The following RORA variants were observed in gnomAD, a reference collection of about 807,000 sequenced individuals.
RORA encodes the protein nuclear receptor ROR-alpha.
Under a neutral mutation model 69.5 loss-of-function variants are expected in RORA, and 7 were observed. The ratio of observed to expected loss-of-function variants is 0.10; its 90% confidence interval spans 0.06 to 0.19. The LOEUF (loss-of-function observed/expected upper bound fraction) is 0.19, where lower values mean the gene tolerates loss of function less well. Among genes scored for constraint, RORA ranks in the 10% least tolerant of loss-of-function variants. The pLI is 1.00. For synonymous variants in RORA, 261 were observed against 240.8 expected (o/e 1.08, Z -0.78); for missense variants, 457 against 663.0 (o/e 0.69, Z 3.41).
At chr15:60,780,340 G>A (rs1328109494) in intron 1 of RORA, among the ~76,000 whole-genome samples, 1 of 152,164 alleles carries the variant, frequency 6.6e-6, no homozygotes, top group Non-Finnish European at 1.5e-5. Context: ...CTGGTGATGT[G>A]CAGACAGGCC....
rs938553022 is a variant in RORA, at chr15:60,495,842, C to T, written c.*1613G>A. The T allele has an allele frequency of 3.4e-5, 4 of 118,830 alleles. No homozygotes were observed. Among genetic ancestry groups the T allele is most frequent in the Non-Finnish European group, 5.1e-5 (3 of 58,700 alleles). 7.4% of individuals were successfully genotyped at this position (118,830 alleles called of 1,614,324 possible). A position where few individuals can be genotyped will look rare whatever the true frequency, so the allele number is the denominator to read the frequency against. ...TTATCAGACTATTCCTTTCCCCTTC[C>T]CCCACTAGGGATCATTAAAAAAAAA... is the stretch of plus-strand genomic sequence containing the variant. On this transcript the variant is annotated 3_prime_UTR_variant, in exon 11 of 11. Transcript: ENST00000335670.
chr15:60,593,413 G>A (rs2068597169), intron 2 of RORA: 1 of 152,342 alleles, frequency 6.6e-6, no homozygotes, highest in Non-Finnish European at 1.5e-5. Context: ...CCCTAAAAAT[G>A]AAACACTGTG....
chr15:61,143,755 C>A (rs2079321390), intron 1 of RORA, among the ~76,000 whole-genome samples: 1 of 152,024 alleles, frequency 6.6e-6, no homozygotes, highest in Non-Finnish European at 1.5e-5. Context: ...TCACTTCTTA[C>A]ATAAAAATAA....
In RORA at chr15:61,175,541, T is replaced by TAAATAAAAAAAAAAAA. The variant is rs61188463; in HGVS notation, c.166+53511_166+53512insTTTTTTTTTTTTATTT. On this transcript the variant is annotated intron_variant, in intron 1 of 10. Transcript: ENST00000335670. ...GAGCAACATAGTGAGATCCTGTTTCTAAAAAAAAAAAAAAAAAACTTGCCA... is the reference window on the plus strand; with the variant it reads ...GAGCAACATAGTGAGATCCTGTTTCTAAATAAAAAAAAAAAAAAAAAAAAAAAAAAAAAACTTGCCA... 2.3e-4 allele frequency among the ~76,000 whole-genome samples: 28 copies of TAAATAAAAAAAAAAAA among 120,178 alleles called. 11 individuals carry two copies. The highest frequency in any genetic ancestry group is 3.0e-4 in the Non-Finnish European group (17 of 57,514). The allele number at this position is 120,178 out of a possible 152,430, so 78.8% of individuals were successfully genotyped here.
chr15:61,228,400 C>T (rs1049998404), intron 1 of RORA, among the ~76,000 whole-genome samples: 7 of 152,096 alleles, frequency 4.6e-5, no homozygotes, highest in African/African-American at 1.7e-4. Context: ...CCGCCCGCAC[C>T]CCGCTTCCTT....
chr15:60,788,245 C>T (rs2072366392), intron 1 of RORA, among the ~76,000 whole-genome samples: 1 of 152,136 alleles, frequency 6.6e-6, no homozygotes, highest in South Asian at 2.1e-4. Context: ...TGTTGTTGCA[C>T]CAGGGTCCCT....
intron 1 of RORA, among the ~76,000 whole-genome samples, chr15:61,218,222 GTAAT>G (rs1439985950): frequency 6.8e-6 from 1 of 147,940 alleles, no homozygotes; most frequent in African/African-American, 2.5e-5. Context: ...AGTTCACAAT[GTAAT>G]TAATATGTTT....
intron 2 of RORA, among the ~76,000 whole-genome samples, chr15:60,606,734 G>T (rs192867349): frequency 2.6e-5 from 4 of 152,214 alleles, no homozygotes; most frequent in Admixed American, 2.0e-4. Context: ...AAGGCAAGTG[G>T]TTATCTAAAG....
At chr15:60,826,610 A>G (rs2072962187) in intron 1 of RORA, among the ~76,000 whole-genome samples, 2 of 151,470 alleles carry the variant, frequency 1.3e-5, no homozygotes, top group Admixed American at 1.3e-4. Context: ...ACTAAAACTC[A>G]TTTGACAAAA....
intron 1 of RORA, among the ~76,000 whole-genome samples, chr15:60,836,369 A>T (rs1259302665): frequency 6.6e-6 from 1 of 152,054 alleles, no homozygotes; most frequent in East Asian, 1.9e-4. Context: ...AAGAGATGTA[A>T]ATTCAAGGAC....
intron 1 of RORA, among the ~76,000 whole-genome samples, chr15:61,129,260 A>T (rs1174069391): frequency 1.3e-5 from 2 of 152,058 alleles, no homozygotes; most frequent in Non-Finnish European, 2.9e-5. Context: ...CGAGAGGGAT[A>T]AAAAAAAGAA....
At chr15:60,937,562 G>T (rs1233480404) in intron 1 of RORA, among the ~76,000 whole-genome samples, 1 of 152,210 alleles carries the variant, frequency 6.6e-6, no homozygotes, top group Non-Finnish European at 1.5e-5. Context: ...GCAGAAAAAT[G>T]TATGATTGGT....
intron 1 of RORA, among the ~76,000 whole-genome samples, chr15:60,759,491 T>G (rs1293920745): frequency 2.0e-5 from 3 of 152,146 alleles, no homozygotes; most frequent in African/African-American, 7.2e-5. Flanking sequence ...GCAACCACAA[T>G]TCCCACAAGA....
chr15:60,523,722 A>T (rs376772265), intron 3 of RORA, among the ~76,000 whole-genome samples: 1 of 152,188 alleles, frequency 6.6e-6, no homozygotes, highest in East Asian at 1.9e-4. Context: ...CTCAGGCTGG[A>T]GTGCAATGGA....
intron 1 of RORA, among the ~76,000 whole-genome samples, chr15:60,794,671 G>A (rs559675329): frequency 4.6e-5 from 7 of 152,290 alleles, no homozygotes; most frequent in Admixed American, 1.3e-4. Flanking sequence ...TCCAATACAT[G>A]TTCAAAATGG....
intron 1 of RORA, among the ~76,000 whole-genome samples, chr15:61,210,895 C>T (rs1203302803): frequency 6.6e-6 from 1 of 152,234 alleles, no homozygotes; most frequent in Non-Finnish European, 1.5e-5. Flanking sequence ...TCTTCCTACT[C>T]TTCTGCACAG....
At chr15:60,542,396 C>T (rs187842044) in intron 2 of RORA, among the ~76,000 whole-genome samples, 176 of 151,962 alleles carry the variant, frequency 1.2e-3, no homozygotes, top group African/African-American at 3.8e-3. Flanking sequence ...ACGTACACTA[C>T]ACACATATAC....
At chr15:60,626,578 G>A (rs1008914030) in intron 2 of RORA, among the ~76,000 whole-genome samples, 19 of 152,142 alleles carry the variant, frequency 1.2e-4, no homozygotes, top group Admixed American at 3.3e-4. Context: ...AGTGCTTTGC[G>A]TGGATTGTCT....
chr15:60,833,863 T>C (rs2073080686), intron 1 of RORA, among the ~76,000 whole-genome samples: 1 of 152,232 alleles, frequency 6.6e-6, no homozygotes, highest in South Asian at 2.1e-4. Context: ...TGGGTGGCCT[T>C]GGATGTCAGT....
Sources: allele counts gnomAD v4.1 joint callset (sites outside exome capture counted in the v4.1 genomes callset), GRCh38; gene constraint gnomAD v4.1.1; transcripts MANE v1.5; gene names NCBI Gene and HGNC (gene_info 2026-07-23, HGNC 2026-07-21).